Variants in PIGN observed in about 807,000 individuals in gnomAD.
PIGN encodes the protein phosphatidylinositol glycan anchor biosynthesis class N.
In PIGN, 117 loss-of-function variants were observed where a neutral mutation model predicts 125.4. The observed-to-expected ratio is 0.93, with a 90% CI of 0.80 to 1.09. The LOEUF is 1.09. PIGN is among the 50% of genes least tolerant of loss of function. The pLI is 0.00. For synonymous variants in PIGN, 392 were observed against 377.8 expected (o/e 1.04, Z -0.44); for missense variants, 1,075 against 1,094.9 (o/e 0.98, Z 0.26).
intron 23 of PIGN, among the ~76,000 whole-genome samples, chr18:62,018,492 A>G (rs1472948318): frequency 6.6e-6 from 1 of 152,242 alleles, no homozygotes; most frequent in African/African-American, 2.4e-5. Flanking sequence ...TTGCAGAAGC[A>G]TCGAATGCAG....
chr18:62,122,362 T>TA lies in PIGN; in HGVS notation c.1173-7724dup, dbSNP rs1321545373. On this transcript the variant is annotated intron_variant, in intron 14 of 30. Transcript: ENST00000640252. ...AAATTCCTAGATTACTCATATAAGC[T>TA]AAATTTCTACTTAACTTCCTTATAT... Among the ~76,000 whole-genome samples, 3 of 152,182 alleles carry TA rather than the reference T, an allele frequency of 2.0e-5. No individual in the cohort carries two copies. In the East Asian group the frequency reaches 5.8e-4, roughly 29 times the overall value.
At chr18:62,034,551 G>T (rs958664160) in intron 23 of PIGN, among the ~76,000 whole-genome samples, 1 of 152,240 alleles carries the variant, frequency 6.6e-6, no homozygotes, top group African/African-American at 2.4e-5. Context: ...AAGGCCGTGG[G>T]AGCCTAACTC....
chr18:62,086,922 G>T (rs2033734269), intron 25 of PIGN, among the ~76,000 whole-genome samples: 1 of 152,234 alleles, frequency 6.6e-6, no homozygotes, highest in South Asian at 2.1e-4. Flanking sequence ...GGGACTGGGA[G>T]TATGGTGATG....
intron 14 of PIGN, among the ~76,000 whole-genome samples, chr18:62,115,016 G>A (rs1039727392): frequency 5.9e-5 from 9 of 152,310 alleles, no homozygotes; most frequent in African/African-American, 1.4e-4. Flanking sequence ...CAGACTTCAC[G>A]TGATTGAGGA....
At chr18:62,164,229 T>C (rs9953509) in intron 1 of PIGN, among the ~76,000 whole-genome samples, 82,111 of 152,094 alleles carry the variant, frequency 0.54, 24,259 homozygotes, top group East Asian at 0.79. Flanking sequence ...CTGGAAAATA[T>C]GGAAAACTGA....
Position 62,048,456 on chromosome 18 carries a change from C to T in PIGN, c.2673-2477G>A, listed in dbSNP as rs142213300. Reference sequence around the variant, plus strand: ...AAAGCAGTGAGAAATGACACCTTACCTATAGGGGAAAAACAATTTGAATAA... The same window carrying T: ...AAAGCAGTGAGAAATGACACCTTACTTATAGGGGAAAAACAATTTGAATAA... On this transcript the variant is annotated intron_variant, in intron 30 of 30. Transcript: ENST00000640252. Among the ~76,000 whole-genome samples, 4 of 151,960 alleles carry T rather than the reference C, an allele frequency of 2.6e-5. No individual in the cohort carries two copies. The East Asian group carries it at 7.7e-4, about 29-fold the overall frequency.
At chr18:62,108,984 C>T (rs1455938158) in intron 17 of PIGN, among the ~76,000 whole-genome samples, 2 of 152,172 alleles carry the variant, frequency 1.3e-5, no homozygotes, top group Non-Finnish European at 2.9e-5. Context: ...TGCATAGTGT[C>T]ACGATGCACA....
intron 9 of PIGN, among the ~76,000 whole-genome samples, chr18:62,146,623 C>A (rs1443592844): frequency 6.6e-6 from 1 of 152,184 alleles, no homozygotes; most frequent in Non-Finnish European, 1.5e-5. Context: ...TTACCCGGGA[C>A]AGAATTTCAG....
intron 7 of PIGN, 34 bp from the exon 8 acceptor site, chr18:62,148,372 T>C: frequency 1.5e-6 from 2 of 1,354,218 alleles, no homozygotes; most frequent in Non-Finnish European, 9.9e-7. Context: ...AATATTTAGT[T>C]CATTTGTTTT....
intron 25 of PIGN, among the ~76,000 whole-genome samples, chr18:62,085,948 C>T (rs139145330): frequency 2.5e-4 from 38 of 152,232 alleles, no homozygotes; most frequent in Middle Eastern, 3.4e-3. Context: ...GGTGAGGCAA[C>T]GCCGAAGAGG....
intron 2 of PIGN, 103 bp from the exon 3 acceptor site, chr18:62,162,432 GA>G (rs1457588256): frequency 6.6e-6 from 1 of 152,102 alleles, no homozygotes; most frequent in Non-Finnish European, 1.5e-5. Flanking sequence ...CACCAAGGAT[GA>G]GGTAATTTTA....
intron 14 of PIGN, chr18:62,137,308 C>A: frequency 2.4e-6 from 1 of 410,576 alleles, no homozygotes; most frequent in South Asian, 1.2e-4. Flanking sequence ...GCTATACTGT[C>A]AGCTTCCCTA....
intron 30 of PIGN, among the ~76,000 whole-genome samples, chr18:62,046,425 G>A (rs1041032600): frequency 7.3e-5 from 11 of 151,486 alleles, no homozygotes; most frequent in African/African-American, 2.2e-4. Context: ...TCAGATCAGC[G>A]GCAGCATTAG....
chr18:62,131,761 C>T (rs2035748024), intron 14 of PIGN, among the ~76,000 whole-genome samples: 1 of 152,124 alleles, frequency 6.6e-6, no homozygotes, highest in Non-Finnish European at 1.5e-5. Flanking sequence ...TTCCTACGTC[C>T]TGAAACATTT....
At position 62,102,039 on chromosome 18, in the gene PIGN, C is replaced by A. The variant is rs191317204; in HGVS notation, c.1968+755G>T. Among the ~76,000 whole-genome samples, 33 of 151,826 alleles carry A rather than the reference C, an allele frequency of 2.2e-4. 1 individual carries two copies. The highest frequency in any genetic ancestry group is 6.5e-4 in the African/African-American group (27 of 41,410). On this transcript the variant is annotated intron_variant, in intron 21 of 30. Coordinates refer to ENST00000640252, the MANE Select transcript of PIGN (RefSeq NM_176787.5). Reference sequence around the variant, plus strand: ...GGTCAGGAGTTCAAGACCAGCCTGGCCAACGTGGTGAAACCCTGACTCTAC... The same window carrying A: ...GGTCAGGAGTTCAAGACCAGCCTGGACAACGTGGTGAAACCCTGACTCTAC...
chr18:62,051,113 T>C (rs112663785), intron 30 of PIGN, among the ~76,000 whole-genome samples: 3 of 148,896 alleles, frequency 2.0e-5, no homozygotes, highest in Non-Finnish European at 1.5e-5. Context: ...CAGTATTTTA[T>C]TGAGGATTTT....
chr18:62,091,078 G>A (rs1295907037), intron 23 of PIGN, among the ~76,000 whole-genome samples: 1 of 152,140 alleles, frequency 6.6e-6, no homozygotes, highest in Non-Finnish European at 1.5e-5. Context: ...GGCCAGGCGT[G>A]GTGGTTCATG....
intron 14 of PIGN, among the ~76,000 whole-genome samples, chr18:62,127,064 T>C (rs780146965): frequency 6.6e-6 from 1 of 152,168 alleles, no homozygotes; most frequent in Non-Finnish European, 1.5e-5. Flanking sequence ...TGGTTAGTGA[T>C]AGATTCTGTG....
intron 1 of PIGN, among the ~76,000 whole-genome samples, chr18:62,171,908 G>A (rs2147835337): frequency 6.6e-6 from 1 of 152,210 alleles, no homozygotes; most frequent in South Asian, 2.1e-4. Context: ...GTTTATGAAA[G>A]ATATAAGACT....
Sources: gnomAD v4.1 joint callset for allele counts (sites outside exome capture counted in the v4.1 genomes callset) on GRCh38, gnomAD v4.1.1 for gene constraint, MANE v1.5 for transcripts, NCBI Gene and HGNC (gene_info 2026-07-23, HGNC 2026-07-21) for gene names.